Variants in KIRREL3 observed in about 807,000 individuals in gnomAD.
KIRREL3 encodes kin of IRRE-like protein 3.
A neutral mutation model predicts 89.7 loss-of-function variants in KIRREL3; 36 were observed. The ratio of observed to expected loss-of-function variants is 0.40; its 90% CI spans 0.31 to 0.53. The LOEUF is 0.53. Ranked by LOEUF, KIRREL3 falls within the 20% of genes least tolerant of loss-of-function variation. KIRREL3 has a pLI of 0.49. For missense variants in KIRREL3, 864 were observed against 1,056.6 expected, an observed-to-expected ratio of 0.82 and a Z score of 2.53; for synonymous variants, 445 against 441.4, an observed-to-expected ratio of 1.01 and a Z score of -0.10.
In KIRREL3 at chr11:126,909,412, G is replaced by A. The variant is rs961503204; in HGVS notation, c.55+91043C>T. Among the ~76,000 whole-genome samples, 2 of 152,170 alleles carry A rather than the reference G, an allele frequency of 1.3e-5. No individual in the cohort carries two copies. The highest frequency in any genetic ancestry group is 4.8e-5 in the African/African-American group (2 of 41,450). On this transcript the variant is annotated intron_variant, in intron 1 of 16. Coordinates refer to ENST00000525144, the MANE Select transcript of KIRREL3 (RefSeq NM_032531.4). The surrounding 1 kb of genome is among the most constrained non-coding windows in gnomAD (Gnocchi z 4.5). ...ATATCTGTAGCTCCACCTCAGGCAC[G>A]GTGCCCAGCTCCCAGCATACCCACA...
In KIRREL3 at chr11:126,708,227, C is replaced by T. The variant is rs1296431893; in HGVS notation, c.56-145315G>A. ...GCCGCTGCTTTTTCCTGGCAGTTTA[C>T]AATGTTATATTGCTACCAAAGCGGG... On this transcript the variant is annotated intron_variant, in intron 1 of 16. Transcript: ENST00000525144. The surrounding 1 kb of genome is among the most constrained non-coding windows in gnomAD (Gnocchi z 5.7). Among the ~76,000 whole-genome samples the T allele has an allele frequency of 1.3e-5, 2 of 152,144 alleles. No individual in the cohort carries two copies. The highest frequency in any genetic ancestry group is 4.8e-5 in the African/African-American group (2 of 41,420).
intron 1 of KIRREL3, among the ~76,000 whole-genome samples, chr11:126,585,844 T>G (rs143609341): frequency 2.0e-4 from 30 of 152,378 alleles, no homozygotes; most frequent in African/African-American, 6.5e-4. Context: ...AAGTTCCATC[T>G]GTGTGTCTTA....
intron 1 of KIRREL3, among the ~76,000 whole-genome samples, chr11:126,980,013 A>G (rs1202790770): frequency 6.6e-6 from 1 of 152,230 alleles, no homozygotes. Context: ...CAAGCTGGAC[A>G]GAACTGAACA....
chr11:126,469,300 G>A lies in KIRREL3; in HGVS notation c.591+4009C>T, dbSNP rs561439315. ...GGCTGCCCTGAGGGGTCTTTTCTGG[G>A]GTCCTTGGAGGCTGCCTGATTTTGT... On this transcript the variant is annotated intron_variant, in intron 5 of 16. Coordinates refer to ENST00000525144, the MANE Select transcript of KIRREL3 (RefSeq NM_032531.4). Among the ~76,000 whole-genome samples the A allele has an allele frequency of 1.5e-3, 232 of 152,330 alleles. 1 individual carries two copies. The highest frequency in any genetic ancestry group is 2.9e-3 in the Non-Finnish European group (199 of 68,024).
At chr11:126,545,745 A>G (rs559786572) in intron 2 of KIRREL3, among the ~76,000 whole-genome samples, 1 of 152,358 alleles carries the variant, frequency 6.6e-6, no homozygotes, top group African/African-American at 2.4e-5. Context: ...ATGAGGGCCC[A>G]GACAGAAGGT....
intron 1 of KIRREL3, among the ~76,000 whole-genome samples, chr11:126,973,100 G>GA (rs11449960): frequency 0.51 from 60,645 of 118,086 alleles, 16,850 homozygotes; most frequent in Non-Finnish European, 0.6. Flanking sequence ...AAGTTTTGAG[G>GA]AAAAAAAAAA....
intron 4 of KIRREL3, among the ~76,000 whole-genome samples, chr11:126,493,065 C>T (rs1010488157): frequency 6.6e-6 from 1 of 152,170 alleles, no homozygotes; most frequent in African/African-American, 2.4e-5. Context: ...TGACGTGGAG[C>T]GTCACAAAGA....
chr11:126,889,376 G>A (rs958496526), intron 1 of KIRREL3, among the ~76,000 whole-genome samples: 2 of 152,032 alleles, frequency 1.3e-5, no homozygotes, highest in African/African-American at 4.8e-5. Context: ...ATTGACATTC[G>A]TCATCATTAC....
intron 1 of KIRREL3, among the ~76,000 whole-genome samples, chr11:126,842,076 C>T (rs1227376127): frequency 6.6e-6 from 1 of 152,168 alleles, no homozygotes; most frequent in East Asian, 1.9e-4. Flanking sequence ...AGAGAAGAGG[C>T]ACGGCAGAGG....
intron 1 of KIRREL3, among the ~76,000 whole-genome samples, chr11:126,670,091 G>T (rs2135053901): frequency 6.6e-6 from 1 of 152,198 alleles, no homozygotes; most frequent in East Asian, 1.9e-4. Context: ...TCACTTCTCT[G>T]CACTGCCACT....
At position 126,647,531 on chromosome 11, in the gene KIRREL3, A is replaced by G. The variant is rs1944737200; in HGVS notation, c.56-84619T>C. Among the ~76,000 whole-genome samples, 1 of 152,130 alleles carries G rather than the reference A, an allele frequency of 6.6e-6. No individual in the cohort carries two copies. Among genetic ancestry groups the G allele is most frequent in the Non-Finnish European group, 1.5e-5 (1 of 68,026 alleles). On this transcript the variant is annotated intron_variant, in intron 1 of 16. Coordinates refer to ENST00000525144, the MANE Select transcript of KIRREL3 (RefSeq NM_032531.4). The surrounding 1 kb of genome is among the most constrained non-coding windows in gnomAD (Gnocchi z 4.9). ...AGCAAACGTTTATCAGGCACCTTTTAGTGTAAGGTACTCTGCTGGGAGCCC... is the reference window on the plus strand; with the variant it reads ...AGCAAACGTTTATCAGGCACCTTTTGGTGTAAGGTACTCTGCTGGGAGCCC...
At chr11:126,973,465 G>A (rs2135222353) in intron 1 of KIRREL3, among the ~76,000 whole-genome samples, 1 of 152,320 alleles carries the variant, frequency 6.6e-6, no homozygotes, top group Non-Finnish European at 1.5e-5. Flanking sequence ...GGCTGCTGCT[G>A]AAATCATTGT....
In KIRREL3 at chr11:126,653,821, G is replaced by A. The variant is rs1264110523; in HGVS notation, c.56-90909C>T. On this transcript the variant is annotated intron_variant, in intron 1 of 16. Transcript: ENST00000525144. This position sits in a 1 kb window ranked among gnomAD's most constrained non-coding sequence, Gnocchi z 5.4. ...CAGGGATGCCCCTGGCACTTTTTTT[G>A]TCTCTGGTGCTATCAAACAGAAAAT... Among the ~76,000 whole-genome samples the A allele has an allele frequency of 6.6e-6, 1 of 152,142 alleles. No homozygotes were observed. Among genetic ancestry groups the A allele is most frequent in the Admixed American group, 6.5e-5 (1 of 15,282 alleles).
chr11:126,922,099 C>A (rs1947360027), intron 1 of KIRREL3, among the ~76,000 whole-genome samples: 1 of 149,006 alleles, frequency 6.7e-6, no homozygotes, highest in African/African-American at 2.5e-5. Context: ...CTATATCTAT[C>A]TATCGATCTA....
rs1463503986 is a variant in KIRREL3 at position 126,744,123 on chromosome 11, G to A, written c.56-181211C>T. 6.6e-6 allele frequency among the ~76,000 whole-genome samples: 1 copy of A among 152,214 alleles called. No homozygotes were observed. The highest frequency in any genetic ancestry group is 1.9e-4 in the East Asian group (1 of 5,192). On this transcript the variant is annotated intron_variant, in intron 1 of 16. Transcript: ENST00000525144. This position sits in a 1 kb window ranked among gnomAD's most constrained non-coding sequence, Gnocchi z 4.7. ...GGGGCAGAGGGCCCAGGAAGGTGGA[G>A]CTGTGCTTGGGAAAGTGGTGGACAG...
intron 1 of KIRREL3, among the ~76,000 whole-genome samples, chr11:126,757,830 A>G (rs1251664730): frequency 6.6e-6 from 1 of 152,202 alleles, no homozygotes; most frequent in African/African-American, 2.4e-5. Context: ...AAGGATCTCC[A>G]CCTCTGAAGA....
intron 1 of KIRREL3, among the ~76,000 whole-genome samples, chr11:126,662,714 C>A (rs1945463921): frequency 6.6e-6 from 1 of 152,162 alleles, no homozygotes; most frequent in Admixed American, 6.5e-5. Flanking sequence ...TAGGTTTCAA[C>A]ATGAATTTTG....
In KIRREL3 at chr11:126,516,472, ATCACTTATCGACCGCCT is replaced by A. The variant is rs1958412576; in HGVS notation, c.433+4826_433+4842del. ...ATGCAATTTATGGTTTAATCCGTGCATCACTTATCGACCGCCTTCTCTCTGCCAGAATGCAAGCTCCA... is the reference window on the plus strand; with the variant it reads ...ATGCAATTTATGGTTTAATCCGTGCATCTCTCTGCCAGAATGCAAGCTCCA... On this transcript the variant is annotated intron_variant, in intron 4 of 16. Coordinates refer to ENST00000525144, the MANE Select transcript of KIRREL3 (RefSeq NM_032531.4). The surrounding 1 kb of genome is among the most constrained non-coding windows in gnomAD (Gnocchi z 4.9). Among the ~76,000 whole-genome samples the A allele has an allele frequency of 6.6e-6, 1 of 152,226 alleles. No individual in the cohort carries two copies. Among genetic ancestry groups the A allele is most frequent in the Admixed American group, 6.5e-5 (1 of 15,276 alleles).
At position 126,566,542 on chromosome 11, in the gene KIRREL3, T is replaced by C. The variant is rs1433330624; in HGVS notation, c.56-3630A>G. 1.3e-5 allele frequency among the ~76,000 whole-genome samples: 2 copies of C among 152,228 alleles called. No homozygotes were observed. The highest frequency in any genetic ancestry group is 2.9e-5 in the Non-Finnish European group (2 of 68,022). On this transcript the variant is annotated intron_variant, in intron 1 of 16. Coordinates refer to ENST00000525144, the MANE Select transcript of KIRREL3 (RefSeq NM_032531.4). This position sits in a 1 kb window ranked among gnomAD's most constrained non-coding sequence, Gnocchi z 4.9. ...CAGAATGAAAATAAGTGGGCTTCAC[T>C]GTAGCACAATGGGTTTAGGTTAGCA...
Sources: gnomAD v4.1 joint callset for allele counts (sites outside exome capture counted in the v4.1 genomes callset) on GRCh38, gnomAD v4.1.1 for gene constraint, Gnocchi (gnomAD v3.1) non-coding constraint, MANE v1.5 for transcripts, NCBI Gene and HGNC (gene_info 2026-07-23, HGNC 2026-07-21) for gene names.